Variants in MAPK10 observed in about 807,000 individuals in gnomAD.
MAPK10 encodes the protein mitogen-activated protein kinase 10, also known as JNK3 alpha protein kinase.
Under a neutral mutation model 59.3 loss-of-function variants are expected in MAPK10, and 25 were observed. The observed-to-expected ratio is 0.42, with a 90% CI of 0.31 to 0.59. MAPK10 has a LOEUF of 0.59. MAPK10 is among the 20% of genes least tolerant of loss of function. The pLI, the probability that MAPK10 is intolerant of heterozygous loss-of-function variation, is 0.15. For synonymous variants in MAPK10, 190 were observed against 200.5 expected (o/e 0.95, Z 0.44); for missense variants, 351 against 568.9 (o/e 0.62, Z 3.90).
intron 11 of MAPK10, among the ~76,000 whole-genome samples, chr4:86,060,882 C>G (rs1474817190): frequency 6.6e-6 from 1 of 152,086 alleles, no homozygotes; most frequent in Non-Finnish European, 1.5e-5. Flanking sequence ...TGGAATATTT[C>G]TGCAATTTCC....
At chr4:86,206,194 C>A (rs113254181) in intron 2 of MAPK10, among the ~76,000 whole-genome samples, 2 of 151,664 alleles carry the variant, frequency 1.3e-5, no homozygotes, top group East Asian at 1.9e-4. Context: ...ATCCCTCCCC[C>A]GTCCCCCCAC....
rs1310281887 is a variant in MAPK10 at position 86,130,609 on chromosome 4, T to A, written c.237-23257A>T. On this transcript the variant is annotated intron_variant, in intron 4 of 13. Transcript: ENST00000641462. ...TACATACGATAAAATACTTTGTGCATAGCATCAGCAGGGAAAGTAGATTAA... is the reference window on the plus strand; with the variant it reads ...TACATACGATAAAATACTTTGTGCAAAGCATCAGCAGGGAAAGTAGATTAA... 3.3e-5 allele frequency among the ~76,000 whole-genome samples: 5 copies of A among 149,786 alleles called. No individual in the cohort carries two copies. In the East Asian group the frequency reaches 9.6e-4, roughly 29 times the overall value.
At chr4:86,394,045 C>T (rs578050680) in intron 1 of MAPK10, among the ~76,000 whole-genome samples, 5 of 152,090 alleles carry the variant, frequency 3.3e-5, no homozygotes, top group South Asian at 2.1e-4. Context: ...CCGAGGTAGG[C>T]GGATCACCTG....
At chr4:86,072,876 C>T (rs374689679) in intron 9 of MAPK10, among the ~76,000 whole-genome samples, 4,372 of 75,518 alleles carry the variant, frequency 0.058, 490 homozygotes, top group Non-Finnish European at 0.071. Flanking sequence ...TGTCTCTGCC[C>T]GGCTTTGGTA....
At chr4:86,581,069 G>T (rs1762229780) in intron 1 of MAPK10, among the ~76,000 whole-genome samples, 1 of 152,060 alleles carries the variant, frequency 6.6e-6, no homozygotes, top group South Asian at 2.1e-4. Context: ...AATTCTAAAT[G>T]AATATTATCT....
At chr4:86,385,326 T>C (rs1474566868) in intron 1 of MAPK10, among the ~76,000 whole-genome samples, 1 of 152,182 alleles carries the variant, frequency 6.6e-6, no homozygotes, top group African/African-American at 2.4e-5. Flanking sequence ...TAACAACCAT[T>C]GTTAATTTAC....
In MAPK10 at chr4:86,507,590, T is replaced by A. The variant is rs563212509; in HGVS notation, c.-263+86320A>T. 3.1e-3 allele frequency among the ~76,000 whole-genome samples: 366 copies of A among 117,446 alleles called. 4 individuals carry two copies. Among genetic ancestry groups the A allele is most frequent in the African/African-American group, 0.011 (346 of 30,718 alleles). The allele number at this position is 117,446 out of a possible 152,430, so 77.0% of individuals were successfully genotyped here. A position where few individuals can be genotyped will look rare whatever the true frequency, so the allele number is the denominator to read the frequency against. On this transcript the variant is annotated intron_variant, in intron 1 of 4. Coordinates refer to the MAPK10 transcript ENST00000502302. ...AGACTAAATATTATGTAATACCATG[T>A]TACTATTAAAAAGAATAAACTGGAG...
intron 1 of MAPK10, among the ~76,000 whole-genome samples, chr4:86,502,830 A>T (rs1254196915): frequency 2.0e-5 from 3 of 152,092 alleles, no homozygotes; most frequent in African/African-American, 7.2e-5. Flanking sequence ...ATTCTAAAAG[A>T]CATTTTTGCC....
At chr4:86,346,654 C>G (rs892903178) in intron 2 of MAPK10, among the ~76,000 whole-genome samples, 1 of 151,614 alleles carries the variant, frequency 6.6e-6, no homozygotes, top group Non-Finnish European at 1.5e-5. Context: ...CAACAATCAG[C>G]CTTATAGGAA....
chr4:86,207,444 C>T (rs1295464335), intron 2 of MAPK10, among the ~76,000 whole-genome samples: 2 of 152,170 alleles, frequency 1.3e-5, no homozygotes, highest in African/African-American at 4.8e-5. Flanking sequence ...GTTTTGGTTA[C>T]TGTAGCCTTG....
At chr4:86,293,837 G>A (rs1342653403) in intron 2 of MAPK10, among the ~76,000 whole-genome samples, 4 of 152,090 alleles carry the variant, frequency 2.6e-5, no homozygotes, top group Non-Finnish European at 5.9e-5. Flanking sequence ...CAAGAGGATG[G>A]TGCTAATCCA....
intron 1 of MAPK10, among the ~76,000 whole-genome samples, chr4:86,547,095 G>C (rs1268101445): frequency 6.6e-6 from 1 of 152,178 alleles, no homozygotes. Context: ...GCTGATTATT[G>C]GAGTCAGAAG....
chr4:86,116,627 T>C (rs1327677437), intron 4 of MAPK10, among the ~76,000 whole-genome samples: 1 of 152,218 alleles, frequency 6.6e-6, no homozygotes, highest in Admixed American at 6.5e-5. Flanking sequence ...GGCAAAAAGC[T>C]AGACAGTTCT....
In MAPK10 at chr4:86,217,292, A is replaced by G. The variant is rs183056355; in HGVS notation, c.-6-22885T>C. Among the ~76,000 whole-genome samples the G allele has an allele frequency of 4.6e-3, 697 of 152,296 alleles. 8 individuals carry two copies. Among genetic ancestry groups the G allele is most frequent in the Middle Eastern group, 0.031 (9 of 294 alleles). On this transcript the variant is annotated intron_variant, in intron 2 of 13. Transcript: ENST00000641462. ...TTCACTTATTTTTCTAAAACATTCT[A>G]TACAGAATTGTATTAATATAGAGAA...
chr4:86,398,704 A>C (rs1743294578), intron 1 of MAPK10, among the ~76,000 whole-genome samples: 1 of 152,154 alleles, frequency 6.6e-6, no homozygotes, highest in Admixed American at 6.5e-5. Context: ...TGATCCTGTC[A>C]CCCAGGTAGT....
At chr4:86,385,359 A>G (rs1162385277) in intron 1 of MAPK10, among the ~76,000 whole-genome samples, 1 of 152,174 alleles carries the variant, frequency 6.6e-6, no homozygotes, top group African/African-American at 2.4e-5. Context: ...TAATGAGGCA[A>G]AACTTGGCAT....
intron 1 of MAPK10, among the ~76,000 whole-genome samples, chr4:86,368,513 T>C (rs944261517): frequency 1.7e-4 from 26 of 152,216 alleles, no homozygotes; most frequent in African/African-American, 5.8e-4. Context: ...AACAATTGTG[T>C]TCACATCAAA....
At chr4:86,526,648 C>A (rs1468847124) in intron 1 of MAPK10, among the ~76,000 whole-genome samples, 1 of 152,102 alleles carries the variant, frequency 6.6e-6, no homozygotes, top group African/African-American at 2.4e-5. Context: ...AGTTCCTTTA[C>A]ATGTGATGTT....
chr4:86,048,317 T>A (rs762789830), intron 11 of MAPK10, among the ~76,000 whole-genome samples: 2 of 152,076 alleles, frequency 1.3e-5, no homozygotes, highest in Non-Finnish European at 2.9e-5. Context: ...AATATGATAA[T>A]GGCATATGGA....
Sources: gnomAD v4.1 joint callset for allele counts (sites outside exome capture counted in the v4.1 genomes callset) on GRCh38, gnomAD v4.1.1 for gene constraint, MANE v1.5 for transcripts, NCBI Gene and HGNC (gene_info 2026-07-23, HGNC 2026-07-21) for gene names.